Variants in ENTHD1 observed in about 807,000 individuals in gnomAD.
ENTHD1 encodes ENTH domain-containing protein 1.
Under a neutral mutation model 39.1 loss-of-function variants are expected in ENTHD1, and 23 were observed. The ratio of observed to expected loss-of-function variants is 0.59; its 90% CI spans 0.42 to 0.83. ENTHD1 has a LOEUF of 0.83. ENTHD1 is among the 40% of genes least tolerant of loss of function. The pLI is 0.00. For missense variants in ENTHD1, 624 were observed against 705.4 expected (o/e 0.88, Z 1.31); for synonymous variants, 230 against 258.2 (o/e 0.89, Z 1.05).
chr22:39,808,300 C>T (rs1304885928), intron 5 of ENTHD1, among the ~76,000 whole-genome samples: 1 of 152,114 alleles, frequency 6.6e-6, no homozygotes, highest in Non-Finnish European at 1.5e-5. Context: ...GTGTCCTCTC[C>T]CTATCCTGAT....
At chr22:39,868,645 G>A (rs2066210388) in intron 2 of ENTHD1, among the ~76,000 whole-genome samples, 2 of 152,106 alleles carry the variant, frequency 1.3e-5, no homozygotes, top group South Asian at 2.1e-4. Flanking sequence ...TTCAGCTAAC[G>A]AGCTTCTGCA....
At chr22:39,784,749 A>T (rs984272598) in intron 5 of ENTHD1, among the ~76,000 whole-genome samples, 1 of 152,088 alleles carries the variant, frequency 6.6e-6, no homozygotes, top group Non-Finnish European at 1.5e-5. Context: ...GAAGATGGAG[A>T]GTAGAGTGGA....
intron 5 of ENTHD1, among the ~76,000 whole-genome samples, chr22:39,796,731 T>C (rs1240926899): frequency 1.3e-5 from 2 of 152,232 alleles, no homozygotes; most frequent in Non-Finnish European, 2.9e-5. Flanking sequence ...CATTGTGGTC[T>C]GAAAAGACAT....
At chr22:39,842,489 A>G (rs1373874529) in intron 3 of ENTHD1, among the ~76,000 whole-genome samples, 1 of 151,994 alleles carries the variant, frequency 6.6e-6, no homozygotes, top group Non-Finnish European at 1.5e-5. Flanking sequence ...CATTCATTTC[A>G]TCTTCCATTG....
At chr22:39,810,403 T>C (rs780552488) in intron 5 of ENTHD1, among the ~76,000 whole-genome samples, 1 of 152,174 alleles carries the variant, frequency 6.6e-6, no homozygotes, top group South Asian at 2.1e-4. Context: ...GTTATTTCCA[T>C]GGTCTCAGAA....
intron 3 of ENTHD1, among the ~76,000 whole-genome samples, chr22:39,853,488 G>T (rs911184195): frequency 6.6e-6 from 1 of 152,028 alleles, no homozygotes; most frequent in Non-Finnish European, 1.5e-5. Context: ...CTGCAATCGT[G>T]CCACTGCACT....
chr22:39,885,139 T>A (rs2066369525), intron 2 of ENTHD1, among the ~76,000 whole-genome samples: 1 of 152,202 alleles, frequency 6.6e-6, no homozygotes, highest in Non-Finnish European at 1.5e-5. Flanking sequence ...TATAAAGAAC[T>A]TTTAATACTC....
chr22:39,830,774 C>T (rs2065863058), intron 4 of ENTHD1, among the ~76,000 whole-genome samples: 1 of 152,158 alleles, frequency 6.6e-6, no homozygotes, highest in Admixed American at 6.5e-5. Flanking sequence ...AAACAGACAA[C>T]AAACAGAAAA....
chr22:39,745,038 G>T (rs1601560419), intron 6 of ENTHD1, among the ~76,000 whole-genome samples: 1 of 152,136 alleles, frequency 6.6e-6, no homozygotes, highest in African/African-American at 2.4e-5. Context: ...GATGTTAGAA[G>T]ATGTTTTGTA....
chr22:39,876,320 T>C (rs1257845592), intron 2 of ENTHD1, among the ~76,000 whole-genome samples: 8 of 152,222 alleles, frequency 5.3e-5, no homozygotes. Context: ...AGCACTGTTA[T>C]GCTCAGTCAT....
rs150278696 is a variant in ENTHD1, at chr22:39,840,030, T to A, written c.593-4072A>T. Among the ~76,000 whole-genome samples, 487 of 152,274 alleles carry A rather than the reference T, an allele frequency of 3.2e-3. 4 individuals are homozygous for A. The highest frequency in any genetic ancestry group is 0.011 in the African/African-American group (466 of 41,544). On this transcript the variant is annotated intron_variant, in intron 3 of 6. Coordinates refer to ENST00000325157, the MANE Select transcript of ENTHD1 (RefSeq NM_152512.4). ...AGATAGCATAACACTGGAAGTGAGG[T>A]GTGCTTAATTAGATTTGGTAATTAC... is the stretch of plus-strand genomic sequence containing the variant.
chr22:39,801,567 A>G (rs1229838581), intron 5 of ENTHD1, among the ~76,000 whole-genome samples: 2 of 152,258 alleles, frequency 1.3e-5, no homozygotes, highest in Non-Finnish European at 2.9e-5. Context: ...AAACAAGCTT[A>G]TTCACTGTCT....
intron 4 of ENTHD1, among the ~76,000 whole-genome samples, chr22:39,834,258 A>G (rs759186224): frequency 2.6e-5 from 4 of 152,220 alleles, no homozygotes; most frequent in Non-Finnish European, 5.9e-5. Flanking sequence ...TATATCCAGA[A>G]TATGTGAAGA....
intron 6 of ENTHD1, among the ~76,000 whole-genome samples, chr22:39,745,196 T>G (rs1328087949): frequency 6.6e-6 from 1 of 152,202 alleles, no homozygotes; most frequent in East Asian, 1.9e-4. Context: ...AACATGGAAC[T>G]TTTTTCTCTT....
intron 5 of ENTHD1, among the ~76,000 whole-genome samples, chr22:39,774,365 A>G (rs1453570730): frequency 6.6e-6 from 1 of 152,094 alleles, no homozygotes; most frequent in Non-Finnish European, 1.5e-5. Context: ...AGTAATTCAC[A>G]CATATTAATC....
chr22:39,880,883 T>C (rs752067987), intron 2 of ENTHD1, among the ~76,000 whole-genome samples: 1 of 152,310 alleles, frequency 6.6e-6, no homozygotes, highest in South Asian at 2.1e-4. Context: ...CAATATACTG[T>C]AGTTGTTGAG....
chr22:39,780,472 A>T (rs553343394), intron 5 of ENTHD1, among the ~76,000 whole-genome samples: 2 of 152,336 alleles, frequency 1.3e-5, no homozygotes, highest in East Asian at 3.9e-4. Flanking sequence ...GTTGCCTATA[A>T]GAAACCTACT....
chr22:39,804,781 AG>A, intron 5 of ENTHD1, among the ~76,000 whole-genome samples: 1 of 152,296 alleles, frequency 6.6e-6, no homozygotes, highest in East Asian at 1.9e-4. Context: ...CTATTGCCCA[AG>A]GGGAAGGCAC....
chr22:39,861,328 T>A (rs985421026), intron 3 of ENTHD1, among the ~76,000 whole-genome samples: 4 of 152,118 alleles, frequency 2.6e-5, no homozygotes, highest in Non-Finnish European at 5.9e-5. Flanking sequence ...TCACTTGAGG[T>A]CATGAGTTCG....
Sources: allele counts gnomAD v4.1 joint callset (sites outside exome capture counted in the v4.1 genomes callset), GRCh38; gene constraint gnomAD v4.1.1; transcripts MANE v1.5; gene names NCBI Gene and HGNC (gene_info 2026-07-23, HGNC 2026-07-21).